The following ENAH variants were observed in gnomAD, a reference collection of about 807,000 sequenced individuals.
ENAH encodes the protein protein enabled homolog.
ENAH carries 23 observed loss-of-function variants against 78.7 expected under a neutral mutation model. The observed-to-expected ratio is 0.29, with a 90% confidence interval of 0.21 to 0.41. The LOEUF is 0.41. ENAH is among the 10% of genes least tolerant of loss of function. The pLI, the probability that ENAH is intolerant of heterozygous loss-of-function variation, is 1.00. For synonymous variants in ENAH, 226 were observed against 241.0 expected (o/e 0.94, Z 0.58); for missense variants, 544 against 691.0 (o/e 0.79, Z 2.39).
Position 225,652,782 on chromosome 1 carries a change from G to T in ENAH, c.-92C>A. ...GTCTCTCCTCCAGGGGTGGGGAGCA[G>T]CTCGGAGACGGGAGACAAGTGTCCG... On this transcript the variant is annotated 5_prime_UTR_variant, in exon 1 of 14. It adds an upstream start codon to the 5' untranslated region. Transcript: ENST00000366843. 9.1e-7 allele frequency: 1 copy of T among 1,095,118 alleles called. No individual in the cohort carries two copies. The highest frequency in any genetic ancestry group is 1.2e-6 in the Non-Finnish European group (1 of 849,178). 67.8% of individuals were successfully genotyped at this position (1,095,118 alleles called of 1,614,324 possible).
At chr1:225,631,358 T>G (rs774030582) in intron 1 of ENAH, among the ~76,000 whole-genome samples, 1 of 150,886 alleles carries the variant, frequency 6.6e-6, no homozygotes, top group Non-Finnish European at 1.5e-5. Flanking sequence ...TCACCTGAGG[T>G]CAGGAGTTTG....
At chr1:225,614,925 A>T (rs2097016001) in intron 1 of ENAH, among the ~76,000 whole-genome samples, 1 of 152,044 alleles carries the variant, frequency 6.6e-6, no homozygotes, top group African/African-American at 2.4e-5. Flanking sequence ...CCTCTATTCC[A>T]CAACCTCAAT....
Position 225,652,888 on chromosome 1 carries a change from G to T in ENAH, c.-198C>A, listed in dbSNP as rs1351939610. On this transcript the variant is annotated 5_prime_UTR_variant, in exon 1 of 14. Coordinates refer to ENST00000366843, the MANE Select transcript of ENAH (RefSeq NM_018212.6). ...CCGGCCGGGAGTGTGGGAGAAGAGG[G>T]CGAGAGAAAGGCTGGGGAGGGGGCG... 1 of 403,522 alleles carries T rather than the reference G, an allele frequency of 2.5e-6. No homozygotes were observed. The highest frequency in any genetic ancestry group is 4.3e-6 in the Non-Finnish European group (1 of 231,674). The allele number at this position is 403,522 out of a possible 1,614,324, so 25.0% of individuals were successfully genotyped here. A position where few individuals can be genotyped will look rare whatever the true frequency, so the allele number is the denominator to read the frequency against.
chr1:225,495,830 T>C lies in ENAH; in HGVS notation c.*1945A>G, dbSNP rs1215758570. Reference sequence around the variant, plus strand: ...CTACTGCATGACAATGAATATCTGATAGAAAAAAGAAATGTATACTTGAAT... The same window carrying C: ...CTACTGCATGACAATGAATATCTGACAGAAAAAAGAAATGTATACTTGAAT... On this transcript the variant is annotated 3_prime_UTR_variant, in exon 14 of 14. Transcript: ENST00000366843. The C allele has an allele frequency of 6.6e-5, 10 of 152,468 alleles. No individual in the cohort carries two copies. Among genetic ancestry groups the C allele is most frequent in the Admixed American group, 5.2e-4 (8 of 15,262 alleles). The allele number at this position is 152,468 out of a possible 1,614,324, so 9.4% of individuals were successfully genotyped here.
At chr1:225,507,147 C>T (rs1289261458) in intron 11 of ENAH, among the ~76,000 whole-genome samples, 1 of 152,052 alleles carries the variant, frequency 6.6e-6, no homozygotes, top group Non-Finnish European at 1.5e-5. Context: ...CCCACATGTA[C>T]TTGTAGAAAC....
chr1:225,491,552 G>A lies in ENAH; in HGVS notation c.*6223C>T, dbSNP rs2096222429. On this transcript the variant is annotated 3_prime_UTR_variant, in exon 14 of 14. Transcript: ENST00000366843. ...GTGACTAAAGCATGGACTGTTAGGC[G>A]CTTAAGAGACCAAATTTTTAAAAGC... 6.6e-6 allele frequency: 1 copy of A among 152,036 alleles called. No individual in the cohort carries two copies. The highest frequency in any genetic ancestry group is 6.6e-5 in the Admixed American group (1 of 15,260). The allele number at this position is 152,036 out of a possible 1,614,324, so 9.4% of individuals were successfully genotyped here.
intron 1 of ENAH, among the ~76,000 whole-genome samples, chr1:225,610,160 TA>T (rs11324006): frequency 0.13 from 18,212 of 143,260 alleles, 1,871 homozygotes; most frequent in African/African-American, 0.29. Context: ...TTATGTTCAA[TA>T]AAAAAAAAAA....
chr1:225,626,199 C>G (rs994637435), intron 1 of ENAH, among the ~76,000 whole-genome samples: 25 of 152,244 alleles, frequency 1.6e-4, no homozygotes, highest in South Asian at 8.3e-4. Context: ...GGTCCTCAAG[C>G]TGCCCTAGCT....
Position 225,567,232 on chromosome 1 carries a change from T to G in ENAH, c.171+17A>C. ...AATACTAAATCATTTTTAACAACAA[T>G]TGTAGTAAAGCCTTACCTGATGGTC... On this transcript the variant is annotated intron_variant, in intron 2 of 13. Transcript: ENST00000366843. 6.2e-7 allele frequency: 1 copy of G among 1,606,908 alleles called. No homozygotes were observed. The highest frequency in any genetic ancestry group is 8.5e-7 in the Non-Finnish European group (1 of 1,177,804).
intron 1 of ENAH, among the ~76,000 whole-genome samples, chr1:225,583,334 G>C (rs997225277): frequency 2.6e-5 from 4 of 151,586 alleles, no homozygotes; most frequent in Non-Finnish European, 5.9e-5. Flanking sequence ...TACTCAGGAG[G>C]CTGAGGTGGG....
chr1:225,519,137 G>A (rs1309504400), intron 5 of ENAH, 61 bp downstream of exon 5: 8 of 1,578,804 alleles, frequency 5.1e-6, no homozygotes, highest in Non-Finnish European at 6.9e-6. Context: ...ACACATGACT[G>A]CACAAGAGAC....
intron 1 of ENAH, among the ~76,000 whole-genome samples, chr1:225,586,215 CT>C (rs1228362265): frequency 1.6e-5 from 2 of 124,952 alleles, no homozygotes; most frequent in Non-Finnish European, 3.2e-5. Context: ...GGTTGCACCA[CT>C]GCACTCCAGC....
chr1:225,561,842 C>A (rs1230320462), intron 2 of ENAH, among the ~76,000 whole-genome samples: 1 of 151,978 alleles, frequency 6.6e-6, no homozygotes, highest in African/African-American at 2.4e-5. Flanking sequence ...GTAAACAGTG[C>A]AGTAAACACC....
intron 1 of ENAH, among the ~76,000 whole-genome samples, chr1:225,574,291 G>A (rs993351461): frequency 2.6e-5 from 4 of 152,052 alleles, no homozygotes; most frequent in Admixed American, 6.6e-5. Context: ...AAAAGTGGGC[G>A]AGACCAGCTC....
At chr1:225,644,226 T>G (rs1303140116) in intron 1 of ENAH, among the ~76,000 whole-genome samples, 1 of 152,044 alleles carries the variant, frequency 6.6e-6, no homozygotes, top group Non-Finnish European at 1.5e-5. Flanking sequence ...TCAAAATCTG[T>G]ACTACTTTAC....
At chr1:225,638,213 T>C (rs1660400688) in intron 1 of ENAH, among the ~76,000 whole-genome samples, 1 of 152,132 alleles carries the variant, frequency 6.6e-6, no homozygotes, top group Non-Finnish European at 1.5e-5. Flanking sequence ...AACCCCAAAA[T>C]GCAAACACCT....
chr1:225,621,484 G>A (rs1302184813), intron 1 of ENAH, among the ~76,000 whole-genome samples: 1 of 151,480 alleles, frequency 6.6e-6, no homozygotes, highest in Non-Finnish European at 1.5e-5. Flanking sequence ...AGTAGAGACG[G>A]GGTTTCACCG....
At chr1:225,630,553 T>A (rs1024975810) in intron 1 of ENAH, among the ~76,000 whole-genome samples, 5 of 152,240 alleles carry the variant, frequency 3.3e-5, no homozygotes, top group African/African-American at 1.2e-4. Context: ...TTTGCACAAC[T>A]ATGTGAAACA....
chr1:225,554,526 TTTCTTTACACAAAGATGATA>T (rs1333981147), intron 3 of ENAH, among the ~76,000 whole-genome samples: 2 of 152,188 alleles, frequency 1.3e-5, no homozygotes, highest in Non-Finnish European at 2.9e-5. Flanking sequence ...AAAACATGTG[TTTCTTTACACAAAGATGATA>T]AATAAGCATA....
Sources: allele counts gnomAD v4.1 joint callset (sites outside exome capture counted in the v4.1 genomes callset), GRCh38; gene constraint gnomAD v4.1.1; transcripts MANE v1.5; gene names NCBI Gene and HGNC (gene_info 2026-07-23, HGNC 2026-07-21).